Variants in RERE observed in about 807,000 individuals in gnomAD.
RERE encodes arginine-glutamic acid dipeptide repeats protein.
A neutral mutation model predicts 146.1 loss-of-function variants in RERE; 40 were observed. That is an observed-to-expected ratio of 0.27 (90% CI 0.21 to 0.36). RERE has a LOEUF of 0.36. Ranked by LOEUF, RERE falls within the 10% of genes least tolerant of loss-of-function variation. The probability of loss-of-function intolerance (pLI) is 1.00; values close to 1 mark genes in which losing one functional copy is unlikely to be tolerated. For synonymous variants in RERE, 1,003 were observed against 866.0 expected, an observed-to-expected ratio of 1.16 and a Z score of -2.78; for missense variants, 1,933 against 2,138.7, an observed-to-expected ratio of 0.90 and a Z score of 1.90.
intron 7 of RERE, among the ~76,000 whole-genome samples, chr1:8,535,890 G>A (rs565462820): frequency 6.6e-6 from 1 of 152,090 alleles, no homozygotes; most frequent in South Asian, 2.1e-4. Flanking sequence ...GGCAGATCAC[G>A]AGGTCAAGAG....
intron 1 of RERE, among the ~76,000 whole-genome samples, chr1:8,791,646 C>T (rs1641365005): frequency 6.6e-6 from 1 of 152,176 alleles, no homozygotes; most frequent in African/African-American, 2.4e-5. Flanking sequence ...AGCAACTGGT[C>T]TATCTTTTCA....
chr1:8,394,454 GATA>G (rs1463098899), intron 12 of RERE, among the ~76,000 whole-genome samples: 3 of 152,338 alleles, frequency 2.0e-5, no homozygotes, highest in African/African-American at 7.2e-5. Flanking sequence ...CTGGGAAGCA[GATA>G]ATATTATCAC....
intron 1 of RERE, among the ~76,000 whole-genome samples, chr1:8,695,587 TAAAAAAAA>T (rs34953565): frequency 4.6e-4 from 17 of 36,742 alleles, no homozygotes; most frequent in African/African-American, 1.7e-3. Context: ...CCATTTCTAC[TAAAAAAAA>T]AAAAAAAAAA....
At chr1:8,369,519 A>C (rs1034049802) in intron 12 of RERE, among the ~76,000 whole-genome samples, 1 of 127,430 alleles carries the variant, frequency 7.8e-6, no homozygotes, top group Non-Finnish European at 1.6e-5. Flanking sequence ...AAAAAAAAAA[A>C]AAAAAAAAAA....
intron 1 of RERE, among the ~76,000 whole-genome samples, chr1:8,727,469 T>C (rs1214587108): frequency 6.6e-6 from 1 of 151,828 alleles, no homozygotes; most frequent in Non-Finnish European, 1.5e-5. Context: ...CATACAATAT[T>C]TCAATTACCC....
chr1:8,618,165 A>G (rs1226475752), intron 3 of RERE, among the ~76,000 whole-genome samples: 1 of 152,260 alleles, frequency 6.6e-6, no homozygotes. Flanking sequence ...AATAAAAAGC[A>G]TAAACCTAAG....
intron 2 of RERE, among the ~76,000 whole-genome samples, chr1:8,631,663 C>T (rs1015341721): frequency 5.9e-5 from 9 of 152,164 alleles, no homozygotes; most frequent in East Asian, 1.9e-4. Context: ...ACTCTGAAAA[C>T]GTTCCTTAAA....
chr1:8,693,239 T>C (rs1639247999), intron 1 of RERE, among the ~76,000 whole-genome samples: 1 of 152,098 alleles, frequency 6.6e-6, no homozygotes, highest in Admixed American at 6.5e-5. Context: ...ATCACACACC[T>C]TCATATTTAC....
chr1:8,482,035 C>A (rs1466790933), intron 10 of RERE, among the ~76,000 whole-genome samples: 1 of 152,100 alleles, frequency 6.6e-6, no homozygotes, highest in Non-Finnish European at 1.5e-5. Context: ...CTAATACCAC[C>A]ACACGGATGA....
Position 8,497,463 on chromosome 1 carries a change from G to C in RERE, c.946C>G (p.Leu316Val). 1 of 1,614,130 alleles carries C rather than the reference G, an allele frequency of 6.2e-7. No homozygotes were observed. Among genetic ancestry groups the C allele is most frequent in the Non-Finnish European group, 8.5e-7 (1 of 1,179,984 alleles). The change falls in exon 9 of 23, where the codon CTG becomes GTG. Residue 316 changes from leucine to valine, a missense_variant. Coordinates refer to ENST00000400908, the MANE Select transcript of RERE (RefSeq NM_001042681.2). ...TCGTTAACTCCAGGCATCCAGACCA[G>C]TTCCTCATGTTGGGTCACTGTATCA... is the stretch of plus-strand genomic sequence containing the variant. Reference protein sequence around the residue: ...DGDTVTQHEELVWMPGVNDCD... With the variant: ...DGDTVTQHEEVVWMPGVNDCD...
chr1:8,392,058 C>A (rs1446861673), intron 12 of RERE, among the ~76,000 whole-genome samples: 1 of 152,176 alleles, frequency 6.6e-6, no homozygotes, highest in East Asian at 1.9e-4. Flanking sequence ...TTCTAGAAAC[C>A]AGGGAACATG....
intron 11 of RERE, among the ~76,000 whole-genome samples, chr1:8,459,328 TCTCTTATTTTTCCTACTCTCATATATAC>T: frequency 3.3e-5 from 5 of 152,232 alleles, no homozygotes; most frequent in Non-Finnish European, 7.3e-5. Context: ...CATTTCTATT[TCTCTTATTTTTCCTACTCTCATATATAC>T]AAATTTAGTT....
At chr1:8,761,006 T>G (rs1211846557) in intron 1 of RERE, among the ~76,000 whole-genome samples, 2 of 152,150 alleles carry the variant, frequency 1.3e-5, no homozygotes, top group Non-Finnish European at 2.9e-5. Flanking sequence ...ACAAAGACGT[T>G]CCATAACTCT....
chr1:8,774,902 T>C (rs1001897067), intron 1 of RERE, among the ~76,000 whole-genome samples: 2 of 150,634 alleles, frequency 1.3e-5, no homozygotes, highest in African/African-American at 4.9e-5. Context: ...AATTAAATCA[T>C]GTGAAAAGCC....
intron 1 of RERE, among the ~76,000 whole-genome samples, chr1:8,771,613 A>G (rs568296949): frequency 6.6e-6 from 1 of 151,656 alleles, no homozygotes; most frequent in Admixed American, 6.6e-5. Flanking sequence ...CTAATTTTAC[A>G]ATCAGAAAAA....
intron 4 of RERE, among the ~76,000 whole-genome samples, chr1:8,603,938 C>CAAAAAAAAAAAA (rs61119278): frequency 8.0e-6 from 1 of 124,936 alleles, no homozygotes; most frequent in Non-Finnish European, 1.6e-5. Context: ...GACCCTGTCT[C>CAAAAAAAAAAAA]AAAAAAAAAA....
intron 1 of RERE, among the ~76,000 whole-genome samples, chr1:8,671,833 G>A (rs1426340043): frequency 6.6e-6 from 1 of 152,146 alleles, no homozygotes; most frequent in African/African-American, 2.4e-5. Context: ...TTCAAATAGA[G>A]CAACATTTAT....
At chr1:8,756,406 A>C (rs1335242917) in intron 1 of RERE, among the ~76,000 whole-genome samples, 2 of 152,204 alleles carry the variant, frequency 1.3e-5, no homozygotes, top group East Asian at 3.8e-4. Context: ...GTGCTATATA[A>C]TATTAGCATC....
In RERE at chr1:8,677,896, C is replaced by T. The variant is rs1178663788; in HGVS notation, c.-144-21455G>A. ...TTCACATCTTTAGAATTCCACAGCA[C>T]AGAGGCAAGCAATAAACATTTTGCA... On this transcript the variant is annotated intron_variant, in intron 1 of 22. Transcript: ENST00000400908. Among the ~76,000 whole-genome samples, 3 of 152,338 alleles carry T rather than the reference C, an allele frequency of 2.0e-5. No individual in the cohort carries two copies. In the East Asian group the frequency reaches 5.8e-4, roughly 29 times the overall value.
Sources: gnomAD v4.1 joint callset for allele counts (sites outside exome capture counted in the v4.1 genomes callset) on GRCh38, gnomAD v4.1.1 for gene constraint, MANE v1.5 for transcripts, NCBI Gene and HGNC (gene_info 2026-07-23, HGNC 2026-07-21) for gene names.